The following DAB1 variants were observed in gnomAD, a reference collection of about 807,000 sequenced individuals.
DAB1 encodes the protein disabled homolog 1.
Under a neutral mutation model 64.6 loss-of-function variants are expected in DAB1, and 15 were observed. The ratio of observed to expected loss-of-function variants is 0.23; its 90% CI spans 0.16 to 0.36. The LOEUF is 0.36. Among genes scored for constraint, DAB1 ranks in the 10% least tolerant of loss-of-function variants. The pLI, the probability that DAB1 is intolerant of heterozygous loss-of-function variation, is 1.00. For missense variants in DAB1, 596 were observed against 706.7 expected, an observed-to-expected ratio of 0.84 and a Z score of 1.78; for synonymous variants, 235 against 251.9, an observed-to-expected ratio of 0.93 and a Z score of 0.64.
At chr1:58,191,920 A>G in intron 4 of DAB1, among the ~76,000 whole-genome samples, 1 of 152,254 alleles carries the variant, frequency 6.6e-6, no homozygotes, top group East Asian at 1.9e-4. Flanking sequence ...ACCACCTGCA[A>G]TAAAAATACC....
intron 7 of DAB1, among the ~76,000 whole-genome samples, chr1:57,639,953 G>A (rs1017486005): frequency 6.6e-6 from 1 of 152,122 alleles, no homozygotes; most frequent in African/African-American, 2.4e-5. Flanking sequence ...CAAAATACTT[G>A]GAATAGTCAG....
chr1:57,316,745 A>T (rs1316832507), intron 1 of DAB1, among the ~76,000 whole-genome samples: 2 of 152,198 alleles, frequency 1.3e-5, no homozygotes, highest in Non-Finnish European at 2.9e-5. Flanking sequence ...GAGCCAAAAA[A>T]TTCCCATGAT....
intron 1 of DAB1, among the ~76,000 whole-genome samples, chr1:58,527,922 A>C (rs1646377348): frequency 6.6e-6 from 1 of 152,234 alleles, no homozygotes; most frequent in South Asian, 2.1e-4. Flanking sequence ...TTTCCTAATT[A>C]CTTGTATTTA....
At chr1:57,197,110 C>A (rs1404804243) in intron 2 of DAB1, among the ~76,000 whole-genome samples, 1 of 152,062 alleles carries the variant, frequency 6.6e-6, no homozygotes, top group African/African-American at 2.4e-5. Context: ...CTGAGGCGGG[C>A]AGATCACTTG....
chr1:57,626,739 T>C (rs1233826310), intron 7 of DAB1, among the ~76,000 whole-genome samples: 1 of 152,188 alleles, frequency 6.6e-6, no homozygotes, highest in East Asian at 1.9e-4. Flanking sequence ...ATCTTTTCAC[T>C]GTGCCCCCAC....
chr1:57,207,644 C>G (rs974256437), intron 2 of DAB1, among the ~76,000 whole-genome samples: 1 of 150,318 alleles, frequency 6.7e-6, no homozygotes, highest in Admixed American at 6.7e-5. Flanking sequence ...GGGGTTTCAC[C>G]GTTTTTAGCC....
chr1:57,168,743 T>C (rs1248992565), intron 2 of DAB1, among the ~76,000 whole-genome samples: 1 of 152,178 alleles, frequency 6.6e-6, no homozygotes, highest in Non-Finnish European at 1.5e-5. Context: ...TAGTTCATAT[T>C]GAACAGTTTC....
At chr1:57,733,554 C>T (rs1483043871) in intron 6 of DAB1, among the ~76,000 whole-genome samples, 3 of 152,174 alleles carry the variant, frequency 2.0e-5, no homozygotes, top group Admixed American at 6.5e-5. Context: ...CATTTATTTA[C>T]TATGCATAGG....
At chr1:58,474,770 T>G (rs1361904598) in intron 3 of DAB1, among the ~76,000 whole-genome samples, 1 of 152,208 alleles carries the variant, frequency 6.6e-6, no homozygotes, top group Non-Finnish European at 1.5e-5. Context: ...TCACTTCTTG[T>G]GTGTGAAGGG....
At chr1:57,295,215 C>T (rs192208751) in intron 1 of DAB1, among the ~76,000 whole-genome samples, 92 of 152,228 alleles carry the variant, frequency 6.0e-4, no homozygotes, top group Non-Finnish European at 1.1e-3. Context: ...AATTTTATGT[C>T]ATGTGAATTT....
At chr1:57,451,587 A>G (rs1410095312) in intron 7 of DAB1, among the ~76,000 whole-genome samples, 1 of 152,214 alleles carries the variant, frequency 6.6e-6, no homozygotes. Context: ...CAAGGGTCTA[A>G]CAGCTTTGAT....
chr1:58,328,223 G>A (rs72669808), intron 4 of DAB1, among the ~76,000 whole-genome samples: 5,733 of 152,262 alleles, frequency 0.038, 166 homozygotes, highest in Middle Eastern at 0.062. Flanking sequence ...TCATCCCAAC[G>A]TGATCTGCTT....
At chr1:57,177,407 AG>A (rs1307981070) in intron 2 of DAB1, among the ~76,000 whole-genome samples, 1 of 152,094 alleles carries the variant, frequency 6.6e-6, no homozygotes, top group Non-Finnish European at 1.5e-5. Flanking sequence ...CTAATTTTCC[AG>A]GCTCCAACCT....
At chr1:57,977,637 A>C (rs1645953440) in intron 5 of DAB1, among the ~76,000 whole-genome samples, 1 of 152,182 alleles carries the variant, frequency 6.6e-6, no homozygotes, top group Non-Finnish European at 1.5e-5. Context: ...ACATCTCTGA[A>C]AGCAGAACAC....
chr1:57,207,446 C>CTATTTTTTTTTTTTTT (rs1665659079), intron 2 of DAB1, among the ~76,000 whole-genome samples: 1 of 98,460 alleles, frequency 1.0e-5, no homozygotes, highest in Non-Finnish European at 2.2e-5. Context: ...TATTTCCTTT[C>CTATTTTTTTTTTTTTT]TTTTTTTTTT....
intron 1 of DAB1, among the ~76,000 whole-genome samples, chr1:57,866,712 C>G (rs187586381): frequency 7.9e-4 from 121 of 152,268 alleles, no homozygotes; most frequent in Non-Finnish European, 1.5e-3. Context: ...AGGAAGCACT[C>G]CACAAATGAC....
At chr1:57,603,207 A>T (rs900729896) in intron 7 of DAB1, among the ~76,000 whole-genome samples, 3 of 152,110 alleles carry the variant, frequency 2.0e-5, no homozygotes, top group African/African-American at 4.8e-5. Context: ...TCCCGACCTT[A>T]GGTGATCCGC....
intron 6 of DAB1, among the ~76,000 whole-genome samples, chr1:57,672,409 A>G (rs562971218): frequency 1.3e-5 from 2 of 152,152 alleles, no homozygotes; most frequent in African/African-American, 2.4e-5. Flanking sequence ...AAAAAATAAA[A>G]CAGTTGCTAT....
intron 7 of DAB1, among the ~76,000 whole-genome samples, chr1:57,544,569 C>T (rs1338646364): frequency 6.6e-6 from 1 of 152,144 alleles, no homozygotes; most frequent in Non-Finnish European, 1.5e-5. Flanking sequence ...CAGAGTGGTC[C>T]TTATAAAACA....
Sources: gnomAD v4.1 joint callset for allele counts (sites outside exome capture counted in the v4.1 genomes callset) on GRCh38, gnomAD v4.1.1 for gene constraint, MANE v1.5 for transcripts, NCBI Gene and HGNC (gene_info 2026-07-23, HGNC 2026-07-21) for gene names.